Variants in CSMD2 observed in about 807,000 individuals in gnomAD.
CSMD2 encodes the protein CUB and Sushi multiple domains 2.
CSMD2 carries 130 observed loss-of-function variants against 398.5 expected under a neutral mutation model. The observed-to-expected ratio is 0.33, with a 90% CI of 0.28 to 0.38. The LOEUF (loss-of-function observed/expected upper bound fraction) is 0.38. CSMD2 is among the 10% of genes least tolerant of loss of function. CSMD2 has a pLI of 1.00. For synonymous variants in CSMD2, 1,828 were observed against 1,908.5 expected (o/e 0.96, Z 1.10); for missense variants, 3,829 against 4,764.9 (o/e 0.80, Z 5.78).
intron 21 of CSMD2, among the ~76,000 whole-genome samples, chr1:33,712,109 G>A (rs774190306): frequency 2.2e-4 from 34 of 152,158 alleles, no homozygotes; most frequent in Admixed American, 3.9e-4. Context: ...GACTTCTGTC[G>A]CCCCCATCAG....
In CSMD2 at chr1:34,013,303, T is replaced by G. The variant is rs1053107257; in HGVS notation, c.517+19291A>C. 2.0e-5 allele frequency among the ~76,000 whole-genome samples: 3 copies of G among 152,318 alleles called. No individual in the cohort carries two copies. In the East Asian group the frequency reaches 5.8e-4, roughly 29 times the overall value. The stretch of plus-strand genomic sequence containing the variant: ...TCTGTGCCATGGGCGAGCCTTTGTC[T>G]GCGCTGCCATCTGCTCCCTGGCACC... On this transcript the variant is annotated intron_variant, in intron 3 of 70. Transcript: ENST00000373381.
Position 33,533,089 on chromosome 1 carries a change from C to T in CSMD2, c.10132G>A (p.Ala3378Thr). Residue 3378 changes from alanine (A) to threonine (T), a missense_variant, in exon 64 of 71, where the codon GCG becomes ACG. Physicochemically the swap from Ala to Thr is moderately conservative, Grantham distance 58. This residue lies in a region of CSMD2 where 917 missense variants were observed against 1,199.5 expected (regional missense o/e 0.76). Coordinates refer to ENST00000373381, the MANE Select transcript of CSMD2 (RefSeq NM_001281956.2). This position sits in a 1 kb window ranked among gnomAD's most constrained non-coding sequence, Gnocchi z 4.2. ...KGGSEHRTCK[A>T]DGSWTGKPPI... ...GGCTTGCCTGTCCAGCTGCCATCCG[C>T]CTTGCAGGTGCGGTGCTCGGAGCCA... The T allele has an allele frequency of 6.2e-7, 1 of 1,613,710 alleles. No homozygotes were observed. Among genetic ancestry groups the T allele is most frequent in the Non-Finnish European group, 8.5e-7 (1 of 1,179,910 alleles).
At chr1:33,622,126 C>A in intron 37 of CSMD2, 41 bp downstream of exon 37, 1 of 1,479,516 alleles carries the variant, frequency 6.8e-7, no homozygotes, top group Non-Finnish European at 9.5e-7. Context: ...CTTTTAGGTC[C>A]CACCCTGAAC....
chr1:33,691,762 T>G (rs1401225634), intron 25 of CSMD2, among the ~76,000 whole-genome samples: 1 of 152,194 alleles, frequency 6.6e-6, no homozygotes, highest in African/African-American at 2.4e-5. Context: ...CCCTCTTAGT[T>G]ACTGGCATTT....
At chr1:34,052,830 A>G (rs1653367199) in intron 2 of CSMD2, among the ~76,000 whole-genome samples, 3 of 152,164 alleles carry the variant, frequency 2.0e-5, no homozygotes, top group Non-Finnish European at 2.9e-5. Context: ...GAGAAGAATT[A>G]GGTCATTGGC....
At chr1:34,096,323 T>C (rs1330303395) in intron 1 of CSMD2, among the ~76,000 whole-genome samples, 1 of 151,576 alleles carries the variant, frequency 6.6e-6, no homozygotes, top group Non-Finnish European at 1.5e-5. Context: ...GGGCAAAAAC[T>C]GGAAGCATTC....
intron 12 of CSMD2, among the ~76,000 whole-genome samples, chr1:33,776,233 G>A (rs1030870757): frequency 4.6e-5 from 7 of 152,104 alleles, no homozygotes; most frequent in African/African-American, 1.7e-4. Flanking sequence ...GGAGAAAGGG[G>A]CCCCCTACAG....
chr1:33,754,462 T>C (rs1338688572), intron 13 of CSMD2, among the ~76,000 whole-genome samples: 1 of 152,208 alleles, frequency 6.6e-6, no homozygotes, highest in Non-Finnish European at 1.5e-5. Context: ...GTGCCATGCC[T>C]GTACAGCCTG....
intron 29 of CSMD2, among the ~76,000 whole-genome samples, chr1:33,639,419 A>C (rs908832520): frequency 1.3e-5 from 2 of 152,214 alleles, no homozygotes; most frequent in African/African-American, 4.8e-5. Context: ...TTTGTGTGGC[A>C]AAATCCTACA....
At chr1:33,703,760 C>T (rs1238921246) in intron 22 of CSMD2, among the ~76,000 whole-genome samples, 3 of 152,168 alleles carry the variant, frequency 2.0e-5, no homozygotes, top group Non-Finnish European at 4.4e-5. Context: ...CCAGATTGCT[C>T]TTTGAAAAGG....
intron 3 of CSMD2, among the ~76,000 whole-genome samples, chr1:34,027,336 T>C (rs998205627): frequency 1.4e-4 from 21 of 152,192 alleles, no homozygotes; most frequent in Non-Finnish European, 2.4e-4. Flanking sequence ...GATGTCATTT[T>C]CCACCCATTT....
intron 3 of CSMD2, among the ~76,000 whole-genome samples, chr1:34,021,087 T>C (rs1356852737): frequency 6.6e-6 from 1 of 152,178 alleles, no homozygotes; most frequent in Non-Finnish European, 1.5e-5. Flanking sequence ...TTATTCACAT[T>C]AATGAAGGAA....
intron 5 of CSMD2, among the ~76,000 whole-genome samples, chr1:33,853,075 T>C (rs1195786124): frequency 6.6e-6 from 1 of 152,262 alleles, no homozygotes; most frequent in Non-Finnish European, 1.5e-5. Flanking sequence ...AGGACACAGA[T>C]GTAGCTTCAA....
At position 33,516,574 on chromosome 1, in the gene CSMD2, G is replaced by T. The variant is rs1474897723; in HGVS notation, c.*54-4C>A. The T allele has an allele frequency of 6.6e-6, 1 of 152,296 alleles. No individual in the cohort carries two copies. Among genetic ancestry groups the T allele is most frequent in the African/African-American group, 2.4e-5 (1 of 41,430 alleles). The allele number at this position is 152,296 out of a possible 1,614,324, so 9.4% of individuals were successfully genotyped here. ...CTACTTCCTGCCCCCTGGGGAACTGGGAACAAACAGATCACACCTGAGTTT... is the reference window on the plus strand; with the variant it reads ...CTACTTCCTGCCCCCTGGGGAACTGTGAACAAACAGATCACACCTGAGTTT... On this transcript the variant is annotated splice_region_variant and splice_polypyrimidine_tract_variant and intron_variant, in intron 70 of 70. Coordinates refer to ENST00000373381, the MANE Select transcript of CSMD2 (RefSeq NM_001281956.2).
At chr1:33,909,384 A>G (rs1343291637) in intron 5 of CSMD2, among the ~76,000 whole-genome samples, 1 of 152,166 alleles carries the variant, frequency 6.6e-6, no homozygotes, top group Non-Finnish European at 1.5e-5. Flanking sequence ...CAGATTTAGA[A>G]TAGGGTCCCC....
intron 1 of CSMD2, among the ~76,000 whole-genome samples, chr1:34,119,185 T>G (rs1449847483): frequency 1.3e-5 from 2 of 152,222 alleles, no homozygotes; most frequent in African/African-American, 4.8e-5. Context: ...ATGGCCTCTT[T>G]AACAAATGTT....
rs567227577 is a variant in CSMD2 at position 33,671,900 on chromosome 1, T to TAAAAAC, written c.4053-8814_4053-8809dup. On this transcript the variant is annotated intron_variant, in intron 25 of 70. Coordinates refer to ENST00000373381, the MANE Select transcript of CSMD2 (RefSeq NM_001281956.2). ...AAACTTGGACACACTAGGTATTTTT[T>TAAAAAC]AAAAACAAAAACAAAAACAAACAAA... 2.8e-4 allele frequency among the ~76,000 whole-genome samples: 43 copies of TAAAAAC among 152,278 alleles called. No homozygotes were observed. In the East Asian group the frequency reaches 3.5e-3, roughly 12 times the overall value.
chr1:33,991,051 G>T (rs1646537764), intron 3 of CSMD2, among the ~76,000 whole-genome samples: 1 of 149,420 alleles, frequency 6.7e-6, no homozygotes, highest in African/African-American at 2.5e-5. Context: ...CAGGGCCTCT[G>T]TCTGTTGCCC....
At chr1:33,525,452 C>G (rs1384624981) in intron 65 of CSMD2, among the ~76,000 whole-genome samples, 5 of 152,054 alleles carry the variant, frequency 3.3e-5, no homozygotes, top group Non-Finnish European at 7.4e-5. Flanking sequence ...GCCAGGCACA[C>G]AAAGATAAAT....
Sources: allele counts gnomAD v4.1 joint callset (sites outside exome capture counted in the v4.1 genomes callset), GRCh38; gene constraint gnomAD v4.1.1; regional missense constraint gnomAD v4.1.1; non-coding constraint Gnocchi (gnomAD v3.1); transcripts MANE v1.5; gene names NCBI Gene and HGNC (gene_info 2026-07-23, HGNC 2026-07-21).